Variants in USP53 observed in about 807,000 individuals in gnomAD.
The protein encoded by USP53 is ubiquitin carboxyl-terminal hydrolase 53.
A neutral mutation model predicts 94.9 loss-of-function variants in USP53; 71 were observed. That is an observed-to-expected ratio of 0.75 (90% CI 0.62 to 0.91). The LOEUF is 0.91. Among genes scored for constraint, USP53 ranks in the 40% least tolerant of loss-of-function variants. USP53 has a pLI of 0.00. For synonymous variants in USP53, 375 were observed against 422.7 expected, an observed-to-expected ratio of 0.89 and a Z score of 1.39; for missense variants, 1,173 against 1,281.0, an observed-to-expected ratio of 0.92 and a Z score of 1.29.
chr4:119,267,251 C>T lies in USP53; in HGVS notation c.973-69C>T, dbSNP rs905009667. The T allele has an allele frequency of 1.4e-5, 20 of 1,466,074 alleles. No homozygotes were observed. In the African/African-American group the frequency reaches 2.7e-4, roughly 20 times the overall value. 90.8% of individuals were successfully genotyped at this position (1,466,074 alleles called of 1,614,324 possible). On this transcript the variant is annotated intron_variant, in intron 12 of 18. Coordinates refer to ENST00000692078, the MANE Select transcript of USP53 (RefSeq NM_001371395.1). ...TTAAAAATATAAAGTAACTCAGAGTCTGTCTTTTCATGTAACACATTGATT... is the reference window on the plus strand; with the variant it reads ...TTAAAAATATAAAGTAACTCAGAGTTTGTCTTTTCATGTAACACATTGATT...
At chr4:119,274,545 C>T (rs1386460648) in intron 17 of USP53, among the ~76,000 whole-genome samples, 2 of 151,858 alleles carry the variant, frequency 1.3e-5, no homozygotes, top group South Asian at 2.1e-4. Flanking sequence ...TGAATAATGC[C>T]GCAATAAACA....
chr4:119,259,229 C>T (rs1561274959), intron 9 of USP53, among the ~76,000 whole-genome samples: 1 of 144,842 alleles, frequency 6.9e-6, no homozygotes, highest in Non-Finnish European at 1.5e-5. Context: ...TGCGGTGAGC[C>T]AAGATTGCAC....
At chr4:119,233,969 T>C (rs1746397151) in intron 3 of USP53, among the ~76,000 whole-genome samples, 1 of 152,196 alleles carries the variant, frequency 6.6e-6, no homozygotes, top group Admixed American at 6.5e-5. Flanking sequence ...AGGAACTTCC[T>C]GTTGACCTGC....
chr4:119,290,033 T>C (rs530504837), intron 17 of USP53, among the ~76,000 whole-genome samples: 2 of 152,320 alleles, frequency 1.3e-5, no homozygotes, highest in African/African-American at 4.8e-5. Flanking sequence ...AGGTCATGTT[T>C]TGTAGAGAGA....
intron 3 of USP53, chr4:119,219,740 C>T (rs1744257642): frequency 6.6e-6 from 1 of 152,118 alleles, no homozygotes; most frequent in Admixed American, 6.5e-5. Context: ...GTGAAGATTA[C>T]CTAACTAATT....
intron 17 of USP53, among the ~76,000 whole-genome samples, chr4:119,274,704 G>T (rs1435389330): frequency 2.9e-5 from 4 of 140,244 alleles, no homozygotes; most frequent in African/African-American, 7.6e-5. Context: ...CTAGTTTACA[G>T]TCCCACCAAC....
At chr4:119,270,239 C>T (rs1751681643) in intron 15 of USP53, among the ~76,000 whole-genome samples, 1 of 151,644 alleles carries the variant, frequency 6.6e-6, no homozygotes, top group Admixed American at 6.6e-5. Context: ...GGACTACAGG[C>T]ACATGCCACC....
chr4:119,273,623 A>AT lies in USP53; in HGVS notation c.2175-5dup. ...ACCTGATGTGTTTAGTGTGTATTTTATTTTCTAGTGACCAGATTACGACAA... is the reference window on the plus strand; with the variant it reads ...ACCTGATGTGTTTAGTGTGTATTTTATTTTTCTAGTGACCAGATTACGACAA... On this transcript the variant is annotated splice_polypyrimidine_tract_variant and intron_variant, in intron 16 of 18. Transcript: ENST00000692078. The AT allele has an allele frequency of 6.2e-7, 1 of 1,610,444 alleles. No homozygotes were observed. Among genetic ancestry groups the AT allele is most frequent in the Non-Finnish European group, 8.5e-7 (1 of 1,177,706 alleles).
chr4:119,248,884 T>A lies in USP53; in HGVS notation c.372+2T>A, dbSNP rs1246765133. 2 of 1,613,662 alleles carry A rather than the reference T, an allele frequency of 1.2e-6. No individual in the cohort carries two copies. Among genetic ancestry groups the A allele is most frequent in the African/African-American group, 2.7e-5 (2 of 74,914 alleles). ...ATGGATGATGCTGCGGAGTGCTTTG[T>A]AAGTGTTTCTGATATTCCTTAAGAA... On this transcript the variant is annotated splice_donor_variant, in intron 7 of 18. Transcript: ENST00000692078. LOFTEE classifies it high-confidence loss of function.
rs1212438731 is a variant in USP53 at position 119,294,800 on chromosome 4, A to G, written c.*1589A>G. The G allele has an allele frequency of 6.6e-6, 1 of 152,102 alleles. No individual in the cohort carries two copies. The highest frequency in any genetic ancestry group is 1.5e-5 in the Non-Finnish European group (1 of 67,954). The allele number at this position is 152,102 out of a possible 1,614,324, so 9.4% of individuals were successfully genotyped here. On this transcript the variant is annotated 3_prime_UTR_variant, in exon 19 of 19. Transcript: ENST00000692078. Reference sequence around the variant, plus strand: ...CCTATAGTTTTTACTAGCCTTTTTAAACTATAATAGTGAGTGATCATTACT... The same window carrying G: ...CCTATAGTTTTTACTAGCCTTTTTAGACTATAATAGTGAGTGATCATTACT...
At position 119,248,799 on chromosome 4, in the gene USP53, A is replaced by G. The variant is rs771472301; in HGVS notation, c.289A>G (p.Asn97Asp). ...HSREKALPSD[N>D]IRHALAESFK... Reference sequence around the variant, plus strand: ...TCGAGAAAAAGCACTTCCCTCAGATAACATAAGGCATGCTCTTGCAGAAAG... The same window carrying G: ...TCGAGAAAAAGCACTTCCCTCAGATGACATAAGGCATGCTCTTGCAGAAAG... Residue 97 changes from asparagine (N) to aspartate (D), a missense_variant, in exon 7 of 19, where the codon AAC becomes GAC. Physicochemically the swap from Asn to Asp is conservative, Grantham distance 23 (BLOSUM62 1). Coordinates refer to ENST00000692078, the MANE Select transcript of USP53 (RefSeq NM_001371395.1). 1.3e-4 allele frequency: 209 copies of G among 1,613,974 alleles called. No individual in the cohort carries two copies. The highest frequency in any genetic ancestry group is 1.7e-4 in the Non-Finnish European group (205 of 1,180,032).
chr4:119,270,297 C>G (rs148065060), intron 15 of USP53, among the ~76,000 whole-genome samples: 1 of 151,840 alleles, frequency 6.6e-6, no homozygotes, highest in African/African-American at 2.4e-5. Flanking sequence ...AGGGTCTTGC[C>G]ATGTTGCTCA....
At chr4:119,255,214 T>C (rs1483394789) in intron 7 of USP53, among the ~76,000 whole-genome samples, 5 of 152,182 alleles carry the variant, frequency 3.3e-5, no homozygotes, top group African/African-American at 7.2e-5. Flanking sequence ...GTCTGTTCGT[T>C]ATCGGAGCTC....
intron 3 of USP53, among the ~76,000 whole-genome samples, chr4:119,232,686 T>C (rs1461240981): frequency 2.6e-5 from 4 of 152,222 alleles, no homozygotes; most frequent in Non-Finnish European, 5.9e-5. Flanking sequence ...TGCAGTATTC[T>C]TTTCAATAGT....
chr4:119,264,800 CA>C (rs1750913676), intron 12 of USP53, among the ~76,000 whole-genome samples: 1 of 152,126 alleles, frequency 6.6e-6, no homozygotes, highest in South Asian at 2.1e-4. Flanking sequence ...CCATATAACC[CA>C]GCAAATCCAC....
chr4:119,241,329 A>G (rs987413995), intron 5 of USP53, among the ~76,000 whole-genome samples: 6 of 152,138 alleles, frequency 3.9e-5, no homozygotes, highest in Non-Finnish European at 7.4e-5. Context: ...TCTGGTGCTC[A>G]TCACTTTTTT....
At position 119,259,294 on chromosome 4, in the gene USP53, A is replaced by AG. The variant is rs1561275283; in HGVS notation, c.570-526_570-525insG. 5.4e-4 allele frequency among the ~76,000 whole-genome samples: 72 copies of AG among 132,896 alleles called. 2 individuals carry two copies. The highest frequency in any genetic ancestry group is 2.0e-3 in the African/African-American group (70 of 34,220). 87.2% of individuals were successfully genotyped at this position (132,896 alleles called of 152,430 possible). ...AGACCCCATCTCAAAAAAAAAAAAA[A>AG]AGGGGGGGGAGTAATATTCAAAATA... On this transcript the variant is annotated intron_variant, in intron 9 of 18. Transcript: ENST00000692078.
intron 6 of USP53, among the ~76,000 whole-genome samples, chr4:119,246,184 C>G (rs1578464289): frequency 6.6e-6 from 1 of 152,204 alleles, no homozygotes; most frequent in East Asian, 1.9e-4. Context: ...TATCCAAAAT[C>G]TAATTCCTTG....
intron 17 of USP53, among the ~76,000 whole-genome samples, chr4:119,279,267 A>G (rs1333792191): frequency 7.7e-4 from 84 of 108,440 alleles, no homozygotes; most frequent in African/African-American, 2.5e-3. Context: ...GGTGATGTAC[A>G]GATGGGTTTT....
Sources: gnomAD v4.1 joint callset for allele counts (sites outside exome capture counted in the v4.1 genomes callset) on GRCh38, gnomAD v4.1.1 for gene constraint, MANE v1.5 for transcripts, NCBI Gene and HGNC (gene_info 2026-07-23, HGNC 2026-07-21) for gene names.